The following IL15RA variants were observed in gnomAD, a reference collection of about 807,000 sequenced individuals.
IL15RA encodes the protein interleukin-15 receptor subunit alpha.
IL15RA carries 26 observed loss-of-function variants against 24.2 expected under a neutral mutation model. The ratio of observed to expected loss-of-function variants is 1.07; its 90% CI spans 0.79 to 1.49. The LOEUF is 1.49. Ranked by LOEUF, IL15RA falls within the 40% of genes most tolerant of loss-of-function variation. The pLI is 0.00. For synonymous variants in IL15RA, 166 were observed against 157.6 expected, an observed-to-expected ratio of 1.05 and a Z score of -0.40; for missense variants, 354 against 356.4, an observed-to-expected ratio of 0.99 and a Z score of 0.05.
Position 5,960,784 on chromosome 10 carries a change from G to A in IL15RA, c.383-217C>T, listed in dbSNP as rs182138490. ...AAGAACATGGCTACTATCACGGCAC[G>A]TATAAAGAAAAGATCAGCCAGACAC... On this transcript the variant is annotated intron_variant, in intron 3 of 6. Transcript: ENST00000379977. This position sits in a 1 kb window ranked among gnomAD's most constrained non-coding sequence, Gnocchi z 5.1. 8.8e-4 allele frequency among the ~76,000 whole-genome samples: 134 copies of A among 152,258 alleles called. 2 individuals are homozygous for A. The East Asian group carries it at 0.021, about 24-fold the overall frequency.
chr10:5,963,004 A>G lies in IL15RA; in HGVS notation c.382+739T>C, dbSNP rs1835862221. ...TGGCAGCTTCAGGCAGCGCCTCTAT[A>G]ATAGAGCAGTCACTGGGATGTGCTG... is the stretch of plus-strand genomic sequence containing the variant. On this transcript the variant is annotated intron_variant, in intron 3 of 6. Coordinates refer to ENST00000379977, the MANE Select transcript of IL15RA (RefSeq NM_002189.4). The surrounding 1 kb of genome is among the most constrained non-coding windows in gnomAD (Gnocchi z 5.3). Among the ~76,000 whole-genome samples, 3 of 152,206 alleles carry G rather than the reference A, an allele frequency of 2.0e-5. No homozygotes were observed. The highest frequency in any genetic ancestry group is 2.0e-4 in the Admixed American group (3 of 15,280).
rs1260414728 is a variant in IL15RA, at chr10:5,966,879, G to A, written c.89-540C>T. On this transcript the variant is annotated intron_variant, in intron 1 of 6. Coordinates refer to ENST00000379977, the MANE Select transcript of IL15RA (RefSeq NM_002189.4). The surrounding 1 kb of genome is among the most constrained non-coding windows in gnomAD (Gnocchi z 6.4). ...CCCAGCTACTGGGGAGGCTGAGGCAGGAGAATTGCTTGAACCTGGGAGGCA... is the reference window on the plus strand; with the variant it reads ...CCCAGCTACTGGGGAGGCTGAGGCAAGAGAATTGCTTGAACCTGGGAGGCA... Among the ~76,000 whole-genome samples the A allele has an allele frequency of 1.3e-5, 2 of 152,100 alleles. No individual in the cohort carries two copies. Among genetic ancestry groups the A allele is most frequent in the Non-Finnish European group, 2.9e-5 (2 of 68,006 alleles).
At position 5,960,398 on chromosome 10, in the gene IL15RA, T is replaced by C. The variant is rs538200737; in HGVS notation, c.552A>G (p.Glu184=). The change falls in exon 4 of 7, where the codon GAA becomes GAG. Residue 184 remains glutamate, a synonymous_variant. Transcript: ENST00000379977. This position sits in a 1 kb window ranked among gnomAD's most constrained non-coding sequence, Gnocchi z 5.1. ...GCTGGTGGGAGGCGGATGCTGTGAG[T>C]TCCCAGTTCTTGGCTGTTGTCTGAG... ...TPSQTTAKNW[E]LTASASHQPP... is the part of the protein sequence containing the mutation. 6.2e-7 allele frequency: 1 copy of C among 1,613,906 alleles called. No individual in the cohort carries two copies. Among genetic ancestry groups the C allele is most frequent in the East Asian group, 2.2e-5 (1 of 44,876 alleles).
rs1834952740 is a variant in IL15RA at position 5,958,668 on chromosome 10, T to A, written c.616+1086A>T. On this transcript the variant is annotated intron_variant, in intron 5 of 6. Transcript: ENST00000379977. This position sits in a 1 kb window ranked among gnomAD's most constrained non-coding sequence, Gnocchi z 4.3. ...TCCCAAACTGCTGGGATTATAGGTG[T>A]GAGCTACCTCGCCCAGCCTGATTGT... Among the ~76,000 whole-genome samples, 1 of 152,164 alleles carries A rather than the reference T, an allele frequency of 6.6e-6. No homozygotes were observed. Among genetic ancestry groups the A allele is most frequent in the Non-Finnish European group, 1.5e-5 (1 of 68,026 alleles).
At position 5,964,381 on chromosome 10, in the gene IL15RA, G is replaced by A. The variant is rs1836135150; in HGVS notation, c.284-540C>T. ...AGGGTCTTGCTATGTTGCTGAGGCTGGTCTCGAACTCCTGGTCTCAAGAAA... is the reference window on the plus strand; with the variant it reads ...AGGGTCTTGCTATGTTGCTGAGGCTAGTCTCGAACTCCTGGTCTCAAGAAA... On this transcript the variant is annotated intron_variant, in intron 2 of 6. Transcript: ENST00000379977. The surrounding 1 kb of genome is among the most constrained non-coding windows in gnomAD (Gnocchi z 5.6). 6.6e-6 allele frequency among the ~76,000 whole-genome samples: 1 copy of A among 152,084 alleles called. No homozygotes were observed. The highest frequency in any genetic ancestry group is 1.5e-5 in the Non-Finnish European group (1 of 68,012).
rs749619082 is a variant in IL15RA, at chr10:5,963,742, C to T, written c.382+1G>A. 1 of 1,512,632 alleles carries T rather than the reference C, an allele frequency of 6.6e-7. No homozygotes were observed. The highest frequency in any genetic ancestry group is 8.8e-7 in the Non-Finnish European group (1 of 1,140,842). 93.7% of individuals were successfully genotyped at this position (1,512,632 alleles called of 1,614,324 possible). ...CCTCGAGAAGTTTCTGACCTTCCTA[C>T]CTTTTCCAGAAGGGGAGAGGCTCTC... On this transcript the variant is annotated splice_donor_variant, in intron 3 of 6. Transcript: ENST00000379977. LOFTEE classifies it high-confidence loss of function. This position sits in a 1 kb window ranked among gnomAD's most constrained non-coding sequence, Gnocchi z 5.3.
rs903816480 is a variant in IL15RA at position 5,971,925 on chromosome 10, G to C, written c.88+5480C>G. ...GAATCCTTAAATAATGATTATTGGAGTCTTGCAAGAGTTGAGGGCTACAGG... is the reference window on the plus strand; with the variant it reads ...GAATCCTTAAATAATGATTATTGGACTCTTGCAAGAGTTGAGGGCTACAGG... On this transcript the variant is annotated intron_variant, in intron 1 of 6. Coordinates refer to ENST00000379977, the MANE Select transcript of IL15RA (RefSeq NM_002189.4). The surrounding 1 kb of genome is among the most constrained non-coding windows in gnomAD (Gnocchi z 5.5). Among the ~76,000 whole-genome samples the C allele has an allele frequency of 1.3e-5, 2 of 152,214 alleles. No individual in the cohort carries two copies. The highest frequency in any genetic ancestry group is 2.9e-5 in the Non-Finnish European group (2 of 68,034).
chr10:5,972,423 G>T (rs1837763925), intron 1 of IL15RA, among the ~76,000 whole-genome samples: 1 of 152,098 alleles, frequency 6.6e-6, no homozygotes, highest in South Asian at 2.1e-4. Flanking sequence ...GCCCAGGCTG[G>T]AATGCAGTGG....
downstream of IL15RA, among the ~76,000 whole-genome samples, chr10:5,951,425 A>T (rs1479659045): frequency 6.6e-6 from 1 of 152,234 alleles, no homozygotes; most frequent in Admixed American, 6.5e-5. Context: ...AAATGCTCAC[A>T]GTGGCTCCCT....
Position 5,960,359 on chromosome 10 carries a change from G to A in IL15RA, c.583+8C>T. 4 of 1,613,776 alleles carry A rather than the reference G, an allele frequency of 2.5e-6. No individual in the cohort carries two copies. Among genetic ancestry groups the A allele is most frequent in the African/African-American group, 1.3e-5 (1 of 75,020 alleles). On this transcript the variant is annotated splice_region_variant and intron_variant, in intron 4 of 6. Coordinates refer to ENST00000379977, the MANE Select transcript of IL15RA (RefSeq NM_002189.4). This position sits in a 1 kb window ranked among gnomAD's most constrained non-coding sequence, Gnocchi z 5.1. ...ACTGACCTCTCCTGGGGCAAAGCGA[G>A]TGCTAACCTGGCGGCTGGTGGGAGG... is the stretch of plus-strand genomic sequence containing the variant.
In IL15RA at chr10:5,964,767, G is replaced by A. The variant is rs1251387297; in HGVS notation, c.284-926C>T. Among the ~76,000 whole-genome samples the A allele has an allele frequency of 6.6e-6, 1 of 152,236 alleles. No homozygotes were observed. Among genetic ancestry groups the A allele is most frequent in the African/African-American group, 2.4e-5 (1 of 41,448 alleles). On this transcript the variant is annotated intron_variant, in intron 2 of 6. Transcript: ENST00000379977. This position sits in a 1 kb window ranked among gnomAD's most constrained non-coding sequence, Gnocchi z 5.6. ...GAAAGCCCTCATTTTACCTCGGGCA[G>A]ACAGGTTCCAGGGAGTCCCAGGACT... is the stretch of plus-strand genomic sequence containing the variant.
At position 5,975,445 on chromosome 10, in the gene IL15RA, C is replaced by T. The variant is rs1413798593; in HGVS notation, c.88+1960G>A. 1.3e-5 allele frequency among the ~76,000 whole-genome samples: 2 copies of T among 151,692 alleles called. No individual in the cohort carries two copies. The highest frequency in any genetic ancestry group is 2.4e-5 in the African/African-American group (1 of 41,260). ...AGGACTGTGCAGGGCATGAGGAAGT[C>T]TTTGGGAGTGATAGTTGTGTTCACT... On this transcript the variant is annotated intron_variant, in intron 1 of 6. Coordinates refer to ENST00000379977, the MANE Select transcript of IL15RA (RefSeq NM_002189.4). The surrounding 1 kb of genome is among the most constrained non-coding windows in gnomAD (Gnocchi z 4.8).
rs200722803 is a variant in IL15RA, at chr10:5,960,385, C to T, written c.565G>A (p.Ala189Thr). Reference sequence around the variant, plus strand: ...TGCTAACCTGGCGGCTGGTGGGAGGCGGATGCTGTGAGTTCCCAGTTCTTG... The same window carrying T: ...TGCTAACCTGGCGGCTGGTGGGAGGTGGATGCTGTGAGTTCCCAGTTCTTG... Reference protein sequence around the residue: ...TAKNWELTASASHQPPGVYPQ... With the variant: ...TAKNWELTASTSHQPPGVYPQ... The change falls in exon 4 of 7, where the codon GCC (alanine) becomes ACC (threonine). Residue 189 changes from alanine to threonine, a missense_variant. Coordinates refer to ENST00000379977, the MANE Select transcript of IL15RA (RefSeq NM_002189.4). The surrounding 1 kb of genome is among the most constrained non-coding windows in gnomAD (Gnocchi z 5.1). 8.7e-6 allele frequency: 14 copies of T among 1,613,986 alleles called. No individual in the cohort carries two copies. The highest frequency in any genetic ancestry group is 4.5e-5 in the East Asian group (2 of 44,876).
In IL15RA at chr10:5,968,946, C is replaced by G. The variant is rs1290147777; in HGVS notation, c.89-2607G>C. 1 of 1,534,534 alleles carries G rather than the reference C, an allele frequency of 6.5e-7. No homozygotes were observed. Among genetic ancestry groups the G allele is most frequent in the Admixed American group, 2.0e-5 (1 of 50,970 alleles). On this transcript the variant is annotated intron_variant, in intron 1 of 6. Coordinates refer to ENST00000379977, the MANE Select transcript of IL15RA (RefSeq NM_002189.4). This position sits in a 1 kb window ranked among gnomAD's most constrained non-coding sequence, Gnocchi z 5.4. ...TCTTGCATCTGTAACAGGTTTTGTA[C>G]AGGAAGTGTTCCCTGCCCATTTCCA...
downstream of IL15RA, among the ~76,000 whole-genome samples, chr10:5,951,785 A>T (rs565572387): frequency 1.7e-3 from 254 of 152,300 alleles, 2 homozygotes; most frequent in Non-Finnish European, 2.7e-3. Flanking sequence ...AGATCTCGCC[A>T]TTGCACTCCA....
chr10:5,954,172 T>TC (rs1564482996), intron 6 of IL15RA, among the ~76,000 whole-genome samples: 17 of 102,472 alleles, frequency 1.7e-4, no homozygotes, highest in African/African-American at 8.7e-4. Flanking sequence ...ATTCTTCTTT[T>TC]TTTTTTTTTT....
rs572553651 is a variant in IL15RA, at chr10:5,973,206, T to G, written c.88+4199A>C. On this transcript the variant is annotated intron_variant, in intron 1 of 6. Coordinates refer to ENST00000379977, the MANE Select transcript of IL15RA (RefSeq NM_002189.4). The surrounding 1 kb of genome is among the most constrained non-coding windows in gnomAD (Gnocchi z 4.5). ...TAAGAACAGACTGGCAACAACTTGT[T>G]GTGCATAGTAGCACAAGAAGGAGAC... Among the ~76,000 whole-genome samples the G allele has an allele frequency of 6.6e-6, 1 of 152,340 alleles. No homozygotes were observed. The highest frequency in any genetic ancestry group is 2.4e-5 in the African/African-American group (1 of 41,576).
At chr10:5,974,876 C>G (rs892327242) in intron 1 of IL15RA, among the ~76,000 whole-genome samples, 1 of 150,564 alleles carries the variant, frequency 6.6e-6, no homozygotes, top group African/African-American at 2.4e-5. Flanking sequence ...GATTCTGTCT[C>G]AAAATAAGTA....
At chr10:5,977,965 GC>G (rs939663444), upstream of IL15RA, 1 of 199,648 alleles carries the variant, frequency 5.0e-6, no homozygotes, top group African/African-American at 2.3e-5. Context: ...CAGCTGCTCC[GC>G]CTTCGGCTTT....
Sources: allele counts gnomAD v4.1 joint callset (sites outside exome capture counted in the v4.1 genomes callset), GRCh38; gene constraint gnomAD v4.1.1; non-coding constraint Gnocchi (gnomAD v3.1); transcripts MANE v1.5; gene names NCBI Gene and HGNC (gene_info 2026-07-23, HGNC 2026-07-21).